The following UTRN variants were observed in gnomAD, a reference collection of about 807,000 sequenced individuals.
The protein encoded by UTRN is dystrophin-related protein 1.
In UTRN, 283 loss-of-function variants were observed where a neutral mutation model predicts 463.9. That is an observed-to-expected ratio of 0.61 (90% CI 0.55 to 0.67). The LOEUF (loss-of-function observed/expected upper bound fraction) is 0.67. UTRN is among the 30% of genes least tolerant of loss of function. UTRN has a pLI of 0.00. For missense variants in UTRN, 3,922 were observed against 4,084.3 expected, an observed-to-expected ratio of 0.96 and a Z score of 1.08; for synonymous variants, 1,442 against 1,431.5, an observed-to-expected ratio of 1.01 and a Z score of -0.17.
rs41285037 is a variant in UTRN at position 144,426,306 on chromosome 6, A to G, written c.425A>G (p.Asp142Gly). ...LHWQVKDVMKDVMSDLQQTNS... is the reference protein window; with the variant it reads ...LHWQVKDVMKGVMSDLQQTNS... ...ACATAGGTGAAAGATGTCATGAAGG[A>G]TGTCATGTCGGACCTGCAGCAGACG... is the stretch of plus-strand genomic sequence containing the variant. Residue 142 changes from aspartate to glycine, a missense_variant, in exon 7 of 75, where the codon GAT (aspartate) becomes GGT (glycine). Asp to Gly is a moderately conservative substitution (Grantham distance 94). Around this residue, in one of 3 missense-constraint regions of UTRN, gnomAD observed 264 missense variants for 327.9 expected, o/e 0.81. Coordinates refer to ENST00000367545, the MANE Select transcript of UTRN (RefSeq NM_007124.3). The G allele has an allele frequency of 3.7e-6, 6 of 1,613,800 alleles. No individual in the cohort carries two copies. Among genetic ancestry groups the G allele is most frequent in the Non-Finnish European group, 5.1e-6 (6 of 1,179,832 alleles).
intron 60 of UTRN, among the ~76,000 whole-genome samples, chr6:144,779,698 G>C (rs760561349): frequency 1.3e-4 from 20 of 152,132 alleles, no homozygotes; most frequent in Non-Finnish European, 2.2e-4. Flanking sequence ...AAAACTCCAC[G>C]TGTAGGTGGA....
chr6:144,379,911 G>A (rs1026362685), intron 2 of UTRN, among the ~76,000 whole-genome samples: 1 of 152,182 alleles, frequency 6.6e-6, no homozygotes, highest in African/African-American at 2.4e-5. Flanking sequence ...GATCTGCTGT[G>A]GAGGAGTGGA....
chr6:144,602,444 C>G (rs930271730), intron 51 of UTRN, among the ~76,000 whole-genome samples: 1 of 151,996 alleles, frequency 6.6e-6, no homozygotes, highest in Non-Finnish European at 1.5e-5. Flanking sequence ...CGGCCTCCTA[C>G]AGCATATTTC....
intron 3 of UTRN, among the ~76,000 whole-genome samples, chr6:144,414,263 A>G (rs1037218576): frequency 2.0e-5 from 3 of 152,240 alleles, no homozygotes; most frequent in African/African-American, 7.2e-5. Context: ...CAGTGGGACA[A>G]GATCTGGAGG....
At chr6:144,586,352 G>A (rs987927334) in intron 51 of UTRN, among the ~76,000 whole-genome samples, 1 of 152,020 alleles carries the variant, frequency 6.6e-6, no homozygotes, top group East Asian at 1.9e-4. Context: ...TGAGCAGGAA[G>A]CAAAAACGTA....
chr6:144,508,391 G>A (rs1160865431), intron 34 of UTRN, among the ~76,000 whole-genome samples: 1 of 152,152 alleles, frequency 6.6e-6, no homozygotes, highest in Non-Finnish European at 1.5e-5. Context: ...GGCACCTGAG[G>A]GAATCTCCGG....
intron 54 of UTRN, among the ~76,000 whole-genome samples, chr6:144,732,214 T>A (rs974525152): frequency 1.1e-5 from 1 of 92,302 alleles, no homozygotes; most frequent in Non-Finnish European, 2.0e-5. Flanking sequence ...GTACTCTGTT[T>A]TATATATATA....
Position 144,691,201 on chromosome 6 carries a change from C to T in UTRN, c.7653-8886C>T, listed in dbSNP as rs374161224. Among the ~76,000 whole-genome samples, 81 of 152,306 alleles carry T rather than the reference C, an allele frequency of 5.3e-4. 1 individual carries two copies. In the East Asian group the frequency reaches 0.011, roughly 21 times the overall value. ...GTGCAATCTTGGCTCACTACAACCT[C>T]CATCTCCCAGGTTCAAGTGATGCTC... is the stretch of plus-strand genomic sequence containing the variant. On this transcript the variant is annotated intron_variant, in intron 52 of 74. Coordinates refer to ENST00000367545, the MANE Select transcript of UTRN (RefSeq NM_007124.3).
At chr6:144,586,532 A>T (rs998806004) in intron 51 of UTRN, among the ~76,000 whole-genome samples, 2 of 152,142 alleles carry the variant, frequency 1.3e-5, no homozygotes, top group Non-Finnish European at 2.9e-5. Flanking sequence ...AGTAGAAAAA[A>T]AGCTGATGTA....
At position 144,782,097 on chromosome 6, in the gene UTRN, C is replaced by A; in HGVS notation, c.8808C>A (p.Leu2936=). 1 of 1,611,200 alleles carries A rather than the reference C, an allele frequency of 6.2e-7. No individual in the cohort carries two copies. The highest frequency in any genetic ancestry group is 8.5e-7 in the Non-Finnish European group (1 of 1,178,048). ...VNVPLCVDMC[L]NWLLNVYDTG... ...TTCCACTCTGTGTTGATATGTGTCT[C>A]AATTGGTTGCTCAATGTCTATGACA... Residue 2936 remains leucine (L), a synonymous_variant, in exon 61 of 75, where the codon CTC becomes CTA. Transcript: ENST00000367545.
chr6:144,824,509 GTA>G (rs1361165157), intron 66 of UTRN, among the ~76,000 whole-genome samples: 5 of 109,980 alleles, frequency 4.5e-5, no homozygotes, highest in African/African-American at 1.0e-4. Flanking sequence ...TGTATATATT[GTA>G]TATATATGTA....
intron 54 of UTRN, among the ~76,000 whole-genome samples, chr6:144,734,314 A>G (rs1789118299): frequency 6.6e-6 from 1 of 152,214 alleles, no homozygotes; most frequent in Admixed American, 6.5e-5. Flanking sequence ...TCTTGAGTCT[A>G]TAAAGAATAA....
intron 51 of UTRN, among the ~76,000 whole-genome samples, chr6:144,625,574 G>A (rs1485121438): frequency 6.6e-6 from 1 of 152,206 alleles, no homozygotes; most frequent in African/African-American, 2.4e-5. Flanking sequence ...ATTTTTCAAA[G>A]GAAGTGGTTG....
intron 3 of UTRN, among the ~76,000 whole-genome samples, chr6:144,403,758 G>A (rs1039663786): frequency 3.9e-5 from 6 of 152,156 alleles, no homozygotes; most frequent in African/African-American, 1.4e-4. Flanking sequence ...CATAGGGGCA[G>A]AGCATGCTGA....
At chr6:144,472,246 G>C (rs1435769095) in intron 23 of UTRN, among the ~76,000 whole-genome samples, 2 of 151,740 alleles carry the variant, frequency 1.3e-5, no homozygotes, top group Non-Finnish European at 2.9e-5. Context: ...TGGTCACCAG[G>C]AATCAACATG....
chr6:144,593,108 G>A (rs148460768), intron 51 of UTRN, among the ~76,000 whole-genome samples: 1,949 of 152,304 alleles, frequency 0.013, 13 homozygotes, highest in Non-Finnish European at 0.021. Flanking sequence ...AAAACTCTGC[G>A]AATAGACTGA....
intron 2 of UTRN, chr6:144,344,438 T>A: frequency 9.7e-7 from 1 of 1,031,104 alleles, no homozygotes; most frequent in Non-Finnish European, 1.3e-6. Context: ...ACAGACAGCC[T>A]GTCTTTCCTG....
intron 60 of UTRN, among the ~76,000 whole-genome samples, chr6:144,778,574 T>C (rs1036346632): frequency 1.3e-5 from 2 of 151,752 alleles, no homozygotes; most frequent in African/African-American, 4.8e-5. Context: ...GCTCTGCCTA[T>C]ATTTCTGGGG....
chr6:144,445,818 G>A (rs542585930), intron 14 of UTRN, among the ~76,000 whole-genome samples: 1 of 152,218 alleles, frequency 6.6e-6, no homozygotes, highest in Non-Finnish European at 1.5e-5. Flanking sequence ...GCCGAGGCGG[G>A]CAGATCACTT....
Sources: allele counts gnomAD v4.1 joint callset (sites outside exome capture counted in the v4.1 genomes callset), GRCh38; gene constraint gnomAD v4.1.1; regional missense constraint gnomAD v4.1.1; transcripts MANE v1.5; gene names NCBI Gene and HGNC (gene_info 2026-07-23, HGNC 2026-07-21).